RIOK3: variants seen among roughly 807,000 people sequenced by gnomAD.
RIOK3 encodes the protein RIO kinase 3, also known as serine/threonine-protein kinase RIO3.
A neutral mutation model predicts 63.5 loss-of-function variants in RIOK3; 40 were observed. That is an observed-to-expected ratio of 0.63 (90% confidence interval 0.49 to 0.82). The LOEUF (loss-of-function observed/expected upper bound fraction) is 0.82. Ranked by LOEUF, RIOK3 falls within the 40% of genes least tolerant of loss-of-function variation. The pLI is 0.00. For missense variants in RIOK3, 557 were observed against 637.0 expected, an observed-to-expected ratio of 0.87 and a Z score of 1.35; for synonymous variants, 193 against 205.0, an observed-to-expected ratio of 0.94 and a Z score of 0.50.
At chr18:23,469,431 CCTCTCCT>C (rs1361050371) in intron 7 of RIOK3, among the ~76,000 whole-genome samples, 2 of 113,074 alleles carry the variant, frequency 1.8e-5, no homozygotes, top group Non-Finnish European at 3.9e-5. Flanking sequence ...TCTCTCTCTC[CCTCTCCT>C]CTCTCCTCTC....
At chr18:23,480,683 T>C (rs1156246102) in intron 12 of RIOK3, among the ~76,000 whole-genome samples, 1 of 151,902 alleles carries the variant, frequency 6.6e-6, no homozygotes, top group Non-Finnish European at 1.5e-5. Flanking sequence ...GGCAGCTCAC[T>C]CCTGTTATAT....
chr18:23,474,997 C>A lies in RIOK3; in HGVS notation c.1063C>A (p.His355Asn). The A allele has an allele frequency of 6.2e-7, 1 of 1,611,504 alleles. No homozygotes were observed. The highest frequency in any genetic ancestry group is 8.5e-7 in the Non-Finnish European group (1 of 1,177,748). Reference protein sequence around the residue: ...PCPTVVLLKKHILVMSFIGHD... With the variant: ...PCPTVVLLKKNILVMSFIGHD... ...TCCAACAGTTGTACTACTGAAGAAACACATTTTAGTTATGTCTTTTATTGG... is the reference window on the plus strand; with the variant it reads ...TCCAACAGTTGTACTACTGAAGAAAAACATTTTAGTTATGTCTTTTATTGG... The change falls in exon 9 of 13, where the codon CAC (histidine) becomes AAC (asparagine). Residue 355 changes from histidine (H) to asparagine (N), a missense_variant. Physicochemically the swap from His to Asn is moderately conservative, Grantham distance 68. Transcript: ENST00000339486.
At chr18:23,469,156 A>G (rs1284724345) in intron 7 of RIOK3, among the ~76,000 whole-genome samples, 1 of 152,174 alleles carries the variant, frequency 6.6e-6, no homozygotes, top group African/African-American at 2.4e-5. Context: ...TATCATGGGA[A>G]TGACTAGACC....
In RIOK3 at chr18:23,453,356, C is replaced by A; in HGVS notation, c.-84C>A. ...ACTCCGGCATCAGCAGCCAGTCGCC[C>A]GTGTCCCGCCTGTCTCCTCGGCGGA... On this transcript the variant is annotated 5_prime_UTR_variant, in exon 1 of 13. Transcript: ENST00000339486. 1 of 1,151,208 alleles carries A rather than the reference C, an allele frequency of 8.7e-7. No homozygotes were observed. The highest frequency in any genetic ancestry group is 1.3e-6 in the Non-Finnish European group (1 of 765,300). The allele number at this position is 1,151,208 out of a possible 1,614,324, so 71.3% of individuals were successfully genotyped here.
At chr18:23,464,406 G>T (rs985293314) in intron 4 of RIOK3, 93 bp downstream of exon 4, 5 of 1,182,998 alleles carry the variant, frequency 4.2e-6, no homozygotes, top group South Asian at 1.4e-5. Flanking sequence ...ATTTTTCTTT[G>T]AATCTCATTT....
intron 9 of RIOK3, among the ~76,000 whole-genome samples, chr18:23,476,752 A>AG: frequency 6.6e-6 from 1 of 152,076 alleles, no homozygotes; most frequent in East Asian, 1.9e-4. Flanking sequence ...ACTAAAAAAA[A>AG]TTACAAAAAA....
In RIOK3 at chr18:23,479,305, T is replaced by C. The variant is rs2057515456; in HGVS notation, c.1345-12T>C. 3 of 1,528,200 alleles carry C rather than the reference T, an allele frequency of 2.0e-6. No individual in the cohort carries two copies. Among genetic ancestry groups the C allele is most frequent in the Non-Finnish European group, 2.7e-6 (3 of 1,101,930 alleles). The allele number at this position is 1,528,200 out of a possible 1,614,324, so 94.7% of individuals were successfully genotyped here. On this transcript the variant is annotated splice_polypyrimidine_tract_variant and intron_variant, in intron 11 of 12. Coordinates refer to ENST00000339486, the MANE Select transcript of RIOK3 (RefSeq NM_003831.5). ...AATACTTCTTACTGACTTTCTTGTA[T>C]TTCCTTACTAGTTTTTCCAGAAAGG... is the stretch of plus-strand genomic sequence containing the variant.
chr18:23,472,387 G>C (rs577504619), intron 7 of RIOK3, among the ~76,000 whole-genome samples: 3 of 152,348 alleles, frequency 2.0e-5, no homozygotes, highest in African/African-American at 4.8e-5. Context: ...TCAGCTGGGA[G>C]AATATGGTAC....
chr18:23,458,452 C>A (rs1199392345), intron 1 of RIOK3, among the ~76,000 whole-genome samples: 1 of 152,058 alleles, frequency 6.6e-6, no homozygotes. Context: ...TATTTAGCAA[C>A]AGGAAAGAAA....
At position 23,476,112 on chromosome 18, in the gene RIOK3, A is replaced by G. The variant is rs1225566838; in HGVS notation, c.1174-894A>G. 1.3e-5 allele frequency among the ~76,000 whole-genome samples: 2 copies of G among 152,058 alleles called. 1 individual carries two copies. Among genetic ancestry groups the G allele is most frequent in the Non-Finnish European group, 2.9e-5 (2 of 68,006 alleles). ...ATTGAATGTTACAGCTTTAACAGTGAAGGAAAGGAAGCAGGTCTGGTCTCA... is the reference window on the plus strand; with the variant it reads ...ATTGAATGTTACAGCTTTAACAGTGGAGGAAAGGAAGCAGGTCTGGTCTCA... On this transcript the variant is annotated intron_variant, in intron 9 of 12. Coordinates refer to ENST00000339486, the MANE Select transcript of RIOK3 (RefSeq NM_003831.5).
intron 12 of RIOK3, 40 bp from the exon 13 acceptor site, chr18:23,481,132 T>C (rs759763366): frequency 1.2e-5 from 17 of 1,401,710 alleles, no homozygotes; most frequent in Middle Eastern, 1.8e-4. Flanking sequence ...CTGTGAAAAG[T>C]AGGATTTTGA....
At chr18:23,481,143 C>T in intron 12 of RIOK3, 29 bp from the exon 13 acceptor site, 3 of 1,450,472 alleles carry the variant, frequency 2.1e-6, no homozygotes, top group Non-Finnish European at 2.9e-6. Flanking sequence ...AGGATTTTGA[C>T]AAATGGATTC....
intron 11 of RIOK3, among the ~76,000 whole-genome samples, chr18:23,477,960 T>C (rs2057504445): frequency 1.3e-5 from 2 of 151,066 alleles, no homozygotes; most frequent in African/African-American, 4.9e-5. Context: ...TAATCCCAGC[T>C]AGTTGGGAGG....
At chr18:23,479,559 A>G (rs1005003494) in intron 12 of RIOK3, 135 bp downstream of exon 12, 2 of 565,890 alleles carry the variant, frequency 3.5e-6, no homozygotes, top group African/African-American at 3.8e-5. Flanking sequence ...TTTTCTTAAG[A>G]TGTTTTTGGT....
chr18:23,482,527 A>C lies in RIOK3; in HGVS notation c.*1248A>C, dbSNP rs2057542393. 1 of 148,100 alleles carries C rather than the reference A, an allele frequency of 6.8e-6. No homozygotes were observed. The highest frequency in any genetic ancestry group is 2.1e-4 in the South Asian group (1 of 4,704). 9.2% of individuals were successfully genotyped at this position (148,100 alleles called of 1,614,324 possible). On this transcript the variant is annotated 3_prime_UTR_variant, in exon 13 of 13. Transcript: ENST00000339486. Reference sequence around the variant, plus strand: ...TCCATCTCCAGGAAAAAAAAAAAAAAACCCAATTTGGATACCAAATTAATC... The same window carrying C: ...TCCATCTCCAGGAAAAAAAAAAAAACACCCAATTTGGATACCAAATTAATC...
At chr18:23,470,556 A>G (rs1462087246) in intron 7 of RIOK3, among the ~76,000 whole-genome samples, 1 of 152,154 alleles carries the variant, frequency 6.6e-6, no homozygotes, top group African/African-American at 2.4e-5. Context: ...GCCTCTGGTG[A>G]GTTAAGATGG....
chr18:23,456,415 T>C (rs2057341464), intron 1 of RIOK3: 1 of 152,138 alleles, frequency 6.6e-6, no homozygotes, highest in African/African-American at 2.4e-5. Context: ...TTAACATTAG[T>C]GTCACTAAAG....
Position 23,464,227 on chromosome 18 carries a change from A to T in RIOK3, c.347A>T (p.Tyr116Phe), listed in dbSNP as rs1365760996. ...TAAGTTTCCATTTCCTTTGAAAATT[A>T]TCGAAAAGTGCATCCTTATGAAGAC... ...DSKVSISFEN[Y>F]RKVHPYEDSD... Residue 116 changes from tyrosine to phenylalanine, a missense_variant, in exon 4 of 13, where the codon TAT becomes TTT. Tyr to Phe is a conservative substitution (Grantham distance 22). This residue lies in a region of RIOK3 where 243 missense variants were observed against 275.4 expected (regional missense o/e 0.88). Transcript: ENST00000339486. 6.2e-7 allele frequency: 1 copy of T among 1,613,506 alleles called. No homozygotes were observed. The highest frequency in any genetic ancestry group is 2.2e-5 in the East Asian group (1 of 44,882).
At position 23,473,522 on chromosome 18, in the gene RIOK3, C is replaced by T. The variant is rs770852144; in HGVS notation, c.909C>T (p.Asp303=). 6.8e-6 allele frequency: 11 copies of T among 1,612,270 alleles called. No homozygotes were observed. The highest frequency in any genetic ancestry group is 6.8e-6 in the Non-Finnish European group (8 of 1,178,738). Residue 303 remains aspartate, a synonymous_variant, in exon 8 of 13, where the codon GAC becomes GAT. Coordinates refer to ENST00000339486, the MANE Select transcript of RIOK3 (RefSeq NM_003831.5). The stretch of plus-strand genomic sequence containing the variant: ...CCCTTAATGAATTTAAGAATCGTGA[C>T]AAATATATTAAAGATGATTTCAGGT... The part of the protein sequence containing the change: ...KTTLNEFKNR[D]KYIKDDFRFK...
Sources: allele counts gnomAD v4.1 joint callset (sites outside exome capture counted in the v4.1 genomes callset), GRCh38; gene constraint gnomAD v4.1.1; regional missense constraint gnomAD v4.1.1; transcripts MANE v1.5; gene names NCBI Gene and HGNC (gene_info 2026-07-23, HGNC 2026-07-21).